Variants in ADAM17 observed in about 807,000 individuals in gnomAD.
ADAM17 encodes the protein ADAM metallopeptidase domain 17, also known as disintegrin and metalloproteinase domain-containing protein 17.
Under a neutral mutation model 96.7 loss-of-function variants are expected in ADAM17, and 39 were observed. The observed-to-expected ratio is 0.40, with a 90% confidence interval of 0.31 to 0.53. The LOEUF is 0.53. ADAM17 is among the 20% of genes least tolerant of loss of function. The pLI is 0.44. For synonymous variants in ADAM17, 344 were observed against 359.2 expected, an observed-to-expected ratio of 0.96 and a Z score of 0.48; for missense variants, 777 against 1,013.2, an observed-to-expected ratio of 0.77 and a Z score of 3.17.
At chr2:9,547,483 G>A (rs538090311) in intron 1 of ADAM17, among the ~76,000 whole-genome samples, 4 of 152,282 alleles carry the variant, frequency 2.6e-5, no homozygotes, top group East Asian at 1.9e-4. Flanking sequence ...CCAGGGAAAC[G>A]GTTTTGAAGA....
intron 14 of ADAM17, among the ~76,000 whole-genome samples, chr2:9,495,639 G>A (rs1178129527): frequency 5.3e-5 from 8 of 151,864 alleles, no homozygotes; most frequent in South Asian, 2.1e-4. Flanking sequence ...ACTTGAACCC[G>A]GGAGGCGGAG....
chr2:9,502,947 T>C lies in ADAM17; in HGVS notation c.1545-671A>G, dbSNP rs4668624. On this transcript the variant is annotated intron_variant, in intron 12 of 18. Transcript: ENST00000310823. ...CGAGGTTAGGGGTTTGAGACCAGCCTGGCCAACATGGTGAAACTCCGTCTC... is the reference window on the plus strand; with the variant it reads ...CGAGGTTAGGGGTTTGAGACCAGCCCGGCCAACATGGTGAAACTCCGTCTC... Among the ~76,000 whole-genome samples the C allele has an allele frequency of 2.1e-5, 3 of 145,320 alleles. No homozygotes were observed. The Admixed American group carries it at 2.1e-4, about 10-fold the overall frequency.
intron 10 of ADAM17, among the ~76,000 whole-genome samples, chr2:9,510,518 G>C (rs889557636): frequency 1.3e-5 from 2 of 152,156 alleles, no homozygotes; most frequent in Admixed American, 1.3e-4. Context: ...ACAAAAATTA[G>C]CTGGGCATGG....
chr2:9,504,196 C>T (rs1663218792), intron 12 of ADAM17, among the ~76,000 whole-genome samples: 1 of 152,006 alleles, frequency 6.6e-6, no homozygotes, highest in African/African-American at 2.4e-5. Context: ...TCTGTAATCC[C>T]AGCACTTTGG....
chr2:9,512,616 A>T lies in ADAM17; in HGVS notation c.1192-2485T>A, dbSNP rs148607594. The stretch of plus-strand genomic sequence containing the variant: ...TGTGGGTCCAGAGATCCTCATTCTC[A>T]TTCTCATTCTAGAGAGGGTCCTGCC... On this transcript the variant is annotated intron_variant, in intron 10 of 18. Coordinates refer to ENST00000310823, the MANE Select transcript of ADAM17 (RefSeq NM_003183.6). Among the ~76,000 whole-genome samples the T allele has an allele frequency of 2.9e-3, 444 of 152,256 alleles. 2 individuals are homozygous for T. The highest frequency in any genetic ancestry group is 0.01 in the African/African-American group (431 of 41,550).
intron 8 of ADAM17, among the ~76,000 whole-genome samples, chr2:9,519,839 C>T (rs1664235589): frequency 6.6e-6 from 1 of 152,208 alleles, no homozygotes; most frequent in African/African-American, 2.4e-5. Context: ...CTTCCAGCTT[C>T]CAGAACTGTG....
intron 14 of ADAM17, 109 bp from the exon 15 acceptor site, chr2:9,494,876 T>A: frequency 7.3e-7 from 1 of 1,372,770 alleles, no homozygotes; most frequent in Non-Finnish European, 9.9e-7. Flanking sequence ...AAATCACATT[T>A]ATTTTTTATT....
At chr2:9,510,476 C>T (rs2125008377) in intron 10 of ADAM17, among the ~76,000 whole-genome samples, 1 of 151,902 alleles carries the variant, frequency 6.6e-6, no homozygotes, top group South Asian at 2.1e-4. Flanking sequence ...CCAGCCTGGC[C>T]AACATGGTGA....
At chr2:9,492,431 A>G (rs996043596) in intron 17 of ADAM17, among the ~76,000 whole-genome samples, 3 of 152,238 alleles carry the variant, frequency 2.0e-5, no homozygotes, top group Non-Finnish European at 4.4e-5. Context: ...TAAATACTCT[A>G]TATGACAGCT....
In ADAM17 at chr2:9,552,954, TA is replaced by T. The variant is rs567371895; in HGVS notation, c.97+2554del. On this transcript the variant is annotated intron_variant, in intron 1 of 18. Coordinates refer to ENST00000310823, the MANE Select transcript of ADAM17 (RefSeq NM_003183.6). ...AGTAGTATTTGTAGGACAATAAACA[TA>T]AAAAATAAATAATAAAGCATGTTTT... 2.9e-3 allele frequency among the ~76,000 whole-genome samples: 442 copies of T among 152,184 alleles called. 2 individuals carry two copies. Among genetic ancestry groups the T allele is most frequent in the African/African-American group, 0.01 (429 of 41,542 alleles).
At chr2:9,552,560 T>C (rs917578878) in intron 1 of ADAM17, among the ~76,000 whole-genome samples, 1 of 152,210 alleles carries the variant, frequency 6.6e-6, no homozygotes, top group Non-Finnish European at 1.5e-5. Context: ...AGAATCCCCA[T>C]GCCAATAACC....
intron 5 of ADAM17, 107 bp from the exon 6 acceptor site, chr2:9,526,351 T>A: frequency 2.6e-6 from 3 of 1,140,924 alleles, no homozygotes; most frequent in Non-Finnish European, 3.7e-6. Context: ...TATGTGAGCT[T>A]AATATCACTA....
chr2:9,516,045 A>T (rs766886537), intron 10 of ADAM17, among the ~76,000 whole-genome samples: 1 of 151,750 alleles, frequency 6.6e-6, no homozygotes, highest in Non-Finnish European at 1.5e-5. Context: ...CTGGGACTAC[A>T]GGCATGTACC....
intron 2 of ADAM17, among the ~76,000 whole-genome samples, chr2:9,542,952 C>T (rs1341783170): frequency 1.3e-5 from 2 of 152,154 alleles, no homozygotes; most frequent in Non-Finnish European, 2.9e-5. Context: ...CATGTCTTGG[C>T]CCCCCAAAGT....
In ADAM17 at chr2:9,489,771, A is replaced by G. The variant is rs2124945262; in HGVS notation, c.*406T>C. ...AAAACTATTCCAGTTGTCATCACAA[A>G]TAAATGCCAAATGCCTCATATTCAG... On this transcript the variant is annotated 3_prime_UTR_variant, in exon 19 of 19. Transcript: ENST00000310823. The G allele has an allele frequency of 1.3e-5, 2 of 153,160 alleles. No homozygotes were observed. Among genetic ancestry groups the G allele is most frequent in the South Asian group, 4.2e-4 (2 of 4,784 alleles). The allele number at this position is 153,160 out of a possible 1,614,324, so 9.5% of individuals were successfully genotyped here.
chr2:9,533,145 C>T lies in ADAM17; in HGVS notation c.450+2689G>A, dbSNP rs186462386. Among the ~76,000 whole-genome samples the T allele has an allele frequency of 4.6e-5, 7 of 151,632 alleles. No individual in the cohort carries two copies. In the East Asian group the frequency reaches 5.8e-4, roughly 13 times the overall value. Reference sequence around the variant, plus strand: ...CAGAGGATGTGGTGAGCCGAGATCGCGCCATTGCACTCCAGTCTGGGTGAC... The same window carrying T: ...CAGAGGATGTGGTGAGCCGAGATCGTGCCATTGCACTCCAGTCTGGGTGAC... On this transcript the variant is annotated intron_variant, in intron 4 of 18. Coordinates refer to ENST00000310823, the MANE Select transcript of ADAM17 (RefSeq NM_003183.6).
At chr2:9,543,442 C>G (rs572678784) in intron 1 of ADAM17, among the ~76,000 whole-genome samples, 157 bp from the exon 2 acceptor site, 2 of 152,222 alleles carry the variant, frequency 1.3e-5, no homozygotes, top group Non-Finnish European at 1.5e-5. Flanking sequence ...AGAAACTCCA[C>G]TGCCTCTTCC....
Position 9,536,812 on chromosome 2 carries a change from G to C in ADAM17, c.247C>G (p.Leu83Val). 1.2e-6 allele frequency: 2 copies of C among 1,613,612 alleles called. No homozygotes were observed. Among genetic ancestry groups the C allele is most frequent in the Non-Finnish European group, 1.7e-6 (2 of 1,179,820 alleles). ...GAAAAACGTTCAGTACTTGATGTCAGGTATAATTTAAAATGCCTGAAGAAA... is the reference window on the plus strand; with the variant it reads ...GAAAAACGTTCAGTACTTGATGTCACGTATAATTTAAAATGCCTGAAGAAA... ...SALKRHFKLY[L>V]TSSTERFSQN... The change falls in exon 3 of 19, where the codon CTG (leucine) becomes GTG (valine). Residue 83 changes from leucine to valine, a missense_variant. Physicochemically the swap from Leu to Val is conservative, Grantham distance 32 (BLOSUM62 1). Transcript: ENST00000310823.
intron 1 of ADAM17, among the ~76,000 whole-genome samples, chr2:9,548,459 C>T (rs1665482149): frequency 6.6e-6 from 1 of 151,246 alleles, no homozygotes; most frequent in Non-Finnish European, 1.5e-5. Context: ...CTAAAAGACT[C>T]CTAGGTTGTG....
Sources: allele counts gnomAD v4.1 joint callset (sites outside exome capture counted in the v4.1 genomes callset), GRCh38; gene constraint gnomAD v4.1.1; transcripts MANE v1.5; gene names NCBI Gene and HGNC (gene_info 2026-07-23, HGNC 2026-07-21).